TBCK: variants seen among roughly 807,000 people sequenced by gnomAD.
The protein encoded by TBCK is TBC1 domain containing kinase, also known as TBC domain-containing protein kinase-like protein.
TBCK carries 99 observed loss-of-function variants against 113.4 expected under a neutral mutation model. The ratio of observed to expected loss-of-function variants is 0.87; its 90% CI spans 0.74 to 1.03. The LOEUF is 1.03. Among genes scored for constraint, TBCK ranks in the 50% least tolerant of loss-of-function variants. TBCK has a pLI of 0.00. For missense variants in TBCK, 1,045 were observed against 1,061.3 expected, an observed-to-expected ratio of 0.98 and a Z score of 0.21; for synonymous variants, 369 against 370.8, an observed-to-expected ratio of 1.00 and a Z score of 0.05.
intron 3 of TBCK, among the ~76,000 whole-genome samples, chr4:106,269,726 T>G (rs904558232): frequency 2.0e-5 from 3 of 152,180 alleles, no homozygotes; most frequent in Non-Finnish European, 4.4e-5. Flanking sequence ...ACAATTTAGC[T>G]TTAACTCCAA....
At chr4:106,237,405 C>G in intron 12 of TBCK, 1 of 430,206 alleles carries the variant, frequency 2.3e-6, no homozygotes, top group Admixed American at 2.5e-5. Context: ...TACAGGTATT[C>G]TTCAAAATCA....
At position 106,116,288 on chromosome 4, in the gene TBCK, C is replaced by T. The variant is rs1743490059; in HGVS notation, c.2326G>A (p.Val776Met). Residue 776 changes from valine to methionine, a missense_variant, in exon 24 of 26, where the codon GTG (valine) becomes ATG (methionine). Coordinates refer to ENST00000394708, the MANE Select transcript of TBCK (RefSeq NM_001163435.3). ...EDLIDLCELT[V>M]TGHFKTPSKK... ...CTGGGTGTTTTGAAGTGGCCTGTCA[C>T]TGTGAGCTCACACAAGTCAATCAGG... 6.2e-7 allele frequency: 1 copy of T among 1,613,840 alleles called. No individual in the cohort carries two copies. Among genetic ancestry groups the T allele is most frequent in the Admixed American group, 1.7e-5 (1 of 59,984 alleles).
intron 24 of TBCK, among the ~76,000 whole-genome samples, chr4:106,114,067 C>G (rs899355648): frequency 6.6e-6 from 1 of 152,190 alleles, no homozygotes; most frequent in Non-Finnish European, 1.5e-5. Flanking sequence ...CTATTATTTA[C>G]TAATTCTAGG....
chr4:106,061,900 GAGTGATTTTTACC>G (rs1013312523), intron 25 of TBCK, among the ~76,000 whole-genome samples: 9 of 151,786 alleles, frequency 5.9e-5, no homozygotes, highest in African/African-American at 2.2e-4. Flanking sequence ...TATGATGGAG[GAGTGATTTTTACC>G]AGTGACTCTT....
rs1759322163 is a variant in TBCK at position 106,235,301 on chromosome 4, C to G, written c.1417G>C (p.Gly473Arg). The G allele has an allele frequency of 2.5e-6, 4 of 1,610,448 alleles. No individual in the cohort carries two copies. The highest frequency in any genetic ancestry group is 2.2e-5 in the East Asian group (1 of 44,680). The change falls in exon 15 of 26, where the codon GGT (glycine) becomes CGT (arginine). Residue 473 changes from glycine (G) to arginine (R), a missense_variant. Gly to Arg is a moderately radical substitution (Grantham distance 125). Transcript: ENST00000394708. ...CCCAGAAGAGCAGCCCAGGTTAAAC[C>G]TCTCATAAGAGGAGGAATGTCAACT... ...ARVDIPPLMR[G>R]LTWAALLGVE...
intron 5 of TBCK, among the ~76,000 whole-genome samples, chr4:106,252,332 T>G (rs893729613): frequency 6.6e-6 from 1 of 152,052 alleles, no homozygotes; most frequent in African/African-American, 2.4e-5. Flanking sequence ...TATCTTCCCT[T>G]AACGCTGAAT....
At chr4:106,254,241 TA>T (rs1334410516) in intron 5 of TBCK, among the ~76,000 whole-genome samples, 1 of 152,180 alleles carries the variant, frequency 6.6e-6, no homozygotes, top group Non-Finnish European at 1.5e-5. Flanking sequence ...GTGTTCAGCA[TA>T]AACCACTTTG....
At chr4:106,197,826 G>GT (rs1225466109) in intron 20 of TBCK, among the ~76,000 whole-genome samples, 1 of 151,996 alleles carries the variant, frequency 6.6e-6, no homozygotes. Flanking sequence ...AGGTATAAAA[G>GT]TAAGTCTGAT....
intron 25 of TBCK, among the ~76,000 whole-genome samples, chr4:106,070,725 C>T (rs1737311676): frequency 6.6e-6 from 1 of 152,056 alleles, no homozygotes; most frequent in Non-Finnish European, 1.5e-5. Context: ...ATGGTACCCG[C>T]TCGTCTTTGT....
At chr4:106,064,376 T>C (rs1736390804) in intron 25 of TBCK, among the ~76,000 whole-genome samples, 1 of 151,876 alleles carries the variant, frequency 6.6e-6, no homozygotes, top group South Asian at 2.1e-4. Flanking sequence ...TAAAATATTA[T>C]TCAGATATAC....
chr4:106,079,055 C>A (rs1416381654), intron 25 of TBCK, among the ~76,000 whole-genome samples: 1 of 152,092 alleles, frequency 6.6e-6, no homozygotes, highest in African/African-American at 2.4e-5. Context: ...TCAGTATATG[C>A]AGAAAAGGTC....
At chr4:106,274,322 C>G (rs1763796979) in intron 3 of TBCK, among the ~76,000 whole-genome samples, 1 of 152,026 alleles carries the variant, frequency 6.6e-6, no homozygotes, top group Non-Finnish European at 1.5e-5. Flanking sequence ...TACCATTTGA[C>G]CTAAAATTTC....
In TBCK at chr4:106,170,400, A is replaced by G. The variant is rs1369452250; in HGVS notation, c.2235+695T>C. Among the ~76,000 whole-genome samples, 3 of 152,116 alleles carry G rather than the reference A, an allele frequency of 2.0e-5. No homozygotes were observed. In the East Asian group the frequency reaches 5.8e-4, roughly 29 times the overall value. ...AGAGGCAGAGATTGTAATTATTGAA[A>G]TTGCTCTGTATTCAATCATAAGCAG... On this transcript the variant is annotated intron_variant, in intron 23 of 25. Coordinates refer to ENST00000394708, the MANE Select transcript of TBCK (RefSeq NM_001163435.3).
In TBCK at chr4:106,116,372, C is replaced by T; in HGVS notation, c.2242G>A (p.Glu748Lys). Residue 748 changes from glutamate to lysine, a missense_variant, in exon 24 of 26, where the codon GAA becomes AAA. Coordinates refer to ENST00000394708, the MANE Select transcript of TBCK (RefSeq NM_001163435.3). ...PDPPKTDLSR[E>K]SIPLNDLKSE... ...TTCAGGTCATTTAATGGGATGGATT[C>T]TCTTGACTGAAAAAAAAAATGTACA... 6 of 1,593,006 alleles carry T rather than the reference C, an allele frequency of 3.8e-6. No homozygotes were observed. The highest frequency in any genetic ancestry group is 5.1e-6 in the Non-Finnish European group (6 of 1,173,026).
intron 3 of TBCK, among the ~76,000 whole-genome samples, chr4:106,265,167 A>G (rs959443157): frequency 6.6e-6 from 1 of 151,966 alleles, no homozygotes; most frequent in African/African-American, 2.4e-5. Context: ...GATTTGCTAC[A>G]TCTTTCACTG....
intron 25 of TBCK, among the ~76,000 whole-genome samples, chr4:106,071,383 T>G (rs530432555): frequency 6.6e-6 from 1 of 152,312 alleles, no homozygotes; most frequent in Non-Finnish European, 1.5e-5. Flanking sequence ...AGCAGGTTGT[T>G]CAGTTTCCAT....
intron 19 of TBCK, among the ~76,000 whole-genome samples, chr4:106,220,813 TTTTC>T (rs1757591690): frequency 6.6e-6 from 1 of 152,204 alleles, no homozygotes; most frequent in Non-Finnish European, 1.5e-5. Flanking sequence ...TGGGTTTAAC[TTTTC>T]TTTAACTTTT....
chr4:106,058,774 T>C (rs970929730), intron 25 of TBCK, among the ~76,000 whole-genome samples: 1 of 151,728 alleles, frequency 6.6e-6, no homozygotes, highest in African/African-American at 2.4e-5. Flanking sequence ...TTTTAGCAAC[T>C]AGTCATAGGG....
chr4:106,088,808 C>G (rs1477453714), intron 25 of TBCK, among the ~76,000 whole-genome samples: 1 of 152,244 alleles, frequency 6.6e-6, no homozygotes, highest in Admixed American at 6.5e-5. Flanking sequence ...AGCCATCATC[C>G]TCAGCAAACT....
Sources: allele counts gnomAD v4.1 joint callset (sites outside exome capture counted in the v4.1 genomes callset), GRCh38; gene constraint gnomAD v4.1.1; transcripts MANE v1.5; gene names NCBI Gene and HGNC (gene_info 2026-07-23, HGNC 2026-07-21).